The following CHCHD3 variants were observed in gnomAD, a reference collection of about 807,000 sequenced individuals.
The protein encoded by CHCHD3 is coiled-coil-helix-coiled-coil-helix domain containing 3.
Under a neutral mutation model 38.2 loss-of-function variants are expected in CHCHD3, and 20 were observed. That is an observed-to-expected ratio of 0.52 (90% confidence interval 0.37 to 0.76). The LOEUF is 0.76. Ranked by LOEUF, CHCHD3 falls within the 30% of genes least tolerant of loss-of-function variation. CHCHD3 has a pLI of 0.00. For missense variants in CHCHD3, 245 were observed against 279.2 expected (o/e 0.88, Z 0.87); for synonymous variants, 82 against 100.0 (o/e 0.82, Z 1.07).
chr7:132,862,379 C>G (rs770264926), intron 5 of CHCHD3, among the ~76,000 whole-genome samples: 1 of 152,186 alleles, frequency 6.6e-6, no homozygotes, highest in African/African-American at 2.4e-5. Flanking sequence ...TTTCCCAGTG[C>G]GTATAAAAGT....
intron 3 of CHCHD3, among the ~76,000 whole-genome samples, chr7:132,978,819 A>C (rs1445927111): frequency 4.6e-5 from 7 of 152,218 alleles, no homozygotes; most frequent in Admixed American, 4.6e-4. Flanking sequence ...GCAGTGGTGC[A>C]AACTGACTAA....
chr7:133,033,627 T>C (rs534014140), intron 2 of CHCHD3, among the ~76,000 whole-genome samples: 1 of 152,216 alleles, frequency 6.6e-6, no homozygotes, highest in African/African-American at 2.4e-5. Context: ...TCACAAATAA[T>C]CTACTAATAT....
chr7:132,823,211 T>C (rs1807428820), intron 6 of CHCHD3, among the ~76,000 whole-genome samples: 1 of 152,152 alleles, frequency 6.6e-6, no homozygotes, highest in African/African-American at 2.4e-5. Flanking sequence ...AAATACTTCC[T>C]TGATAAATTA....
rs147749067 is a variant in CHCHD3 at position 133,034,594 on chromosome 7, T to C, written c.170-9967A>G. On this transcript the variant is annotated intron_variant, in intron 2 of 7. Coordinates refer to ENST00000262570, the MANE Select transcript of CHCHD3 (RefSeq NM_017812.4). ...AGGGCAGGTGCAGGCAGCTAGGTGA[T>C]GGCAAGAGATGTTCACTTGAAGATC... The C allele has an allele frequency of 4.5e-5, 70 of 1,548,818 alleles. 1 individual carries two copies. The African/African-American group carries it at 5.7e-4, about 13-fold the overall frequency.
intron 4 of CHCHD3, among the ~76,000 whole-genome samples, chr7:132,960,856 T>C (rs2117305959): frequency 6.6e-6 from 1 of 152,180 alleles, no homozygotes; most frequent in East Asian, 1.9e-4. Flanking sequence ...CATGCATCCA[T>C]AGTCCCAGCT....
chr7:132,807,106 C>A (rs1422285083), intron 6 of CHCHD3, among the ~76,000 whole-genome samples: 1 of 152,074 alleles, frequency 6.6e-6, no homozygotes, highest in Admixed American at 6.5e-5. Flanking sequence ...AGTAAGCCCA[C>A]GCATGAGAAA....
At position 132,815,235 on chromosome 7, in the gene CHCHD3, T is replaced by G. The variant is rs1469442917; in HGVS notation, c.525-18658A>C. Among the ~76,000 whole-genome samples, 5 of 152,338 alleles carry G rather than the reference T, an allele frequency of 3.3e-5. No individual in the cohort carries two copies. In the East Asian group the frequency reaches 7.7e-4, roughly 23 times the overall value. ...AAAGAACTGTTTAACAGATGGAGCA[T>G]TTCCTTCTTCCAGTATTTAGGAGTG... On this transcript the variant is annotated intron_variant, in intron 6 of 7. Transcript: ENST00000262570.
chr7:132,991,776 A>T (rs1301939979), intron 3 of CHCHD3, among the ~76,000 whole-genome samples: 1 of 152,016 alleles, frequency 6.6e-6, no homozygotes, highest in Non-Finnish European at 1.5e-5. Flanking sequence ...TTTTTCTTCA[A>T]TTTCGAGAAT....
At chr7:132,816,733 C>A (rs1168421879) in intron 6 of CHCHD3, among the ~76,000 whole-genome samples, 2 of 152,160 alleles carry the variant, frequency 1.3e-5, no homozygotes, top group Non-Finnish European at 2.9e-5. Flanking sequence ...CAGAAGACTT[C>A]CAGGCAAGAA....
chr7:132,837,585 T>G (rs946737953), intron 6 of CHCHD3, among the ~76,000 whole-genome samples: 2 of 152,230 alleles, frequency 1.3e-5, no homozygotes, highest in Admixed American at 1.3e-4. Flanking sequence ...TAGCAGAAAG[T>G]AGTAATTCCA....
At chr7:132,845,646 CT>C (rs1808059091) in intron 5 of CHCHD3, among the ~76,000 whole-genome samples, 1 of 152,160 alleles carries the variant, frequency 6.6e-6, no homozygotes, top group African/African-American at 2.4e-5. Context: ...TTCCCAAGGC[CT>C]TGCTTTTTAC....
chr7:133,080,196 A>G (rs1472652941), intron 1 of CHCHD3, among the ~76,000 whole-genome samples: 2 of 152,240 alleles, frequency 1.3e-5, no homozygotes, highest in Admixed American at 6.5e-5. Context: ...GGTAAAATGT[A>G]CTATATAAGA....
chr7:132,934,581 G>C (rs1422201688), intron 4 of CHCHD3, among the ~76,000 whole-genome samples: 1 of 152,154 alleles, frequency 6.6e-6, no homozygotes, highest in African/African-American at 2.4e-5. Flanking sequence ...CACTCCAAGA[G>C]AGCAGCGGCC....
intron 4 of CHCHD3, among the ~76,000 whole-genome samples, chr7:132,952,983 A>G (rs1007617439): frequency 6.6e-6 from 1 of 152,228 alleles, no homozygotes; most frequent in Non-Finnish European, 1.5e-5. Context: ...AATAAACTCA[A>G]TATTATATTC....
chr7:133,065,577 A>G (rs1270102881), intron 2 of CHCHD3, among the ~76,000 whole-genome samples: 1 of 152,230 alleles, frequency 6.6e-6, no homozygotes, highest in Non-Finnish European at 1.5e-5. Flanking sequence ...CACATTTAAT[A>G]TATAATTTAC....
At chr7:132,895,295 T>C (rs1809465670) in intron 4 of CHCHD3, among the ~76,000 whole-genome samples, 1 of 152,206 alleles carries the variant, frequency 6.6e-6, no homozygotes, top group African/African-American at 2.4e-5. Flanking sequence ...CTATCAACAA[T>C]TTGGACCAGA....
chr7:132,795,606 T>C (rs10954388), intron 7 of CHCHD3, among the ~76,000 whole-genome samples: 18,722 of 152,214 alleles, frequency 0.12, 1,236 homozygotes, highest in Middle Eastern at 0.18. Context: ...CTACATCAAA[T>C]TAGACTGCAG....
intron 3 of CHCHD3, among the ~76,000 whole-genome samples, chr7:133,008,426 A>G (rs1812763142): frequency 6.9e-6 from 1 of 145,510 alleles, no homozygotes; most frequent in South Asian, 2.2e-4. Context: ...TGCAGAAAAG[A>G]AAAAAAAAAA....
intron 3 of CHCHD3, among the ~76,000 whole-genome samples, chr7:133,015,807 C>T (rs899291811): frequency 6.6e-6 from 1 of 152,064 alleles, no homozygotes; most frequent in Admixed American, 6.6e-5. Context: ...AAAGAAAAGG[C>T]GTTTAATTAG....
Sources: gnomAD v4.1 joint callset for allele counts (sites outside exome capture counted in the v4.1 genomes callset) on GRCh38, gnomAD v4.1.1 for gene constraint, MANE v1.5 for transcripts, NCBI Gene and HGNC (gene_info 2026-07-23, HGNC 2026-07-21) for gene names.